DLGAP1: variants seen among roughly 807,000 people sequenced by gnomAD.
The protein encoded by DLGAP1 is disks large-associated protein 1.
Under a neutral mutation model 90.8 loss-of-function variants are expected in DLGAP1, and 11 were observed. The observed-to-expected ratio is 0.12, with a 90% CI of 0.08 to 0.20. The LOEUF (loss-of-function observed/expected upper bound fraction) is 0.20. DLGAP1 is among the 10% of genes least tolerant of loss of function. DLGAP1 has a pLI of 1.00. For synonymous variants in DLGAP1, 558 were observed against 540.7 expected (o/e 1.03, Z -0.44); for missense variants, 1,050 against 1,333.8 (o/e 0.79, Z 3.31).
At chr18:3,867,066 C>T (rs2070439225) in intron 4 of DLGAP1, among the ~76,000 whole-genome samples, 1 of 152,120 alleles carries the variant, frequency 6.6e-6, no homozygotes, top group African/African-American at 2.4e-5. Flanking sequence ...GTTGGCCATG[C>T]TGGTCTTGAA....
At chr18:3,535,665 A>G (rs544573234) in intron 9 of DLGAP1, among the ~76,000 whole-genome samples, 8 of 150,654 alleles carry the variant, frequency 5.3e-5, no homozygotes, top group South Asian at 2.1e-4. Flanking sequence ...CTGAGATCGC[A>G]CCACTGCACT....
intron 2 of DLGAP1, among the ~76,000 whole-genome samples, chr18:4,046,905 T>G (rs1598299845): frequency 6.6e-6 from 1 of 152,190 alleles, no homozygotes; most frequent in East Asian, 1.9e-4. Context: ...GGATAAAAGG[T>G]GCAAATCTGC....
intron 5 of DLGAP1, among the ~76,000 whole-genome samples, chr18:3,801,799 C>A (rs1345560302): frequency 6.6e-6 from 1 of 151,732 alleles, no homozygotes; most frequent in Non-Finnish European, 1.5e-5. Context: ...CAGCAAAAAC[C>A]ACCCAGAAAG....
chr18:3,612,247 C>T (rs1007166589), intron 7 of DLGAP1, among the ~76,000 whole-genome samples: 2 of 151,966 alleles, frequency 1.3e-5, no homozygotes, highest in Admixed American at 1.3e-4. Flanking sequence ...AGTGTGTTAC[C>T]TAGGGAAGGT....
intron 7 of DLGAP1, among the ~76,000 whole-genome samples, chr18:3,723,750 G>A (rs773245130): frequency 6.6e-6 from 1 of 152,180 alleles, no homozygotes; most frequent in Non-Finnish European, 1.5e-5. Context: ...ATTAAGCAAG[G>A]CTTGAGCAAG....
At chr18:4,293,802 C>T (rs1237767120) in intron 1 of DLGAP1, 1 of 152,196 alleles carries the variant, frequency 6.6e-6, no homozygotes, top group Non-Finnish European at 1.5e-5. Context: ...CCCCATACTC[C>T]TTCCTCACCT....
chr18:4,169,460 A>C (rs1598531060), intron 1 of DLGAP1, among the ~76,000 whole-genome samples: 1 of 148,370 alleles, frequency 6.7e-6, no homozygotes. Context: ...TAGTTATACT[A>C]TTCAAGGGAG....
chr18:3,879,055 C>A lies in DLGAP1; in HGVS notation c.957+57G>T, dbSNP rs1186964414. On this transcript the variant is annotated intron_variant, in intron 4 of 12. Transcript: ENST00000315677. The surrounding 1 kb of genome is among the most constrained non-coding windows in gnomAD (Gnocchi z 6.6). ...GCCAAGACTAGAACCAGGAGAAATG[C>A]CCACACAAGCATGCCAGGTACTACT... 5 of 1,367,452 alleles carry A rather than the reference C, an allele frequency of 3.7e-6. No individual in the cohort carries two copies. Among genetic ancestry groups the A allele is most frequent in the Non-Finnish European group, 4.8e-6 (5 of 1,031,354 alleles). The allele number at this position is 1,367,452 out of a possible 1,614,324, so 84.7% of individuals were successfully genotyped here.
chr18:3,853,456 G>T (rs988849688), intron 4 of DLGAP1, among the ~76,000 whole-genome samples: 5 of 151,826 alleles, frequency 3.3e-5, no homozygotes, highest in African/African-American at 7.3e-5. Flanking sequence ...ACTTATCATT[G>T]TGTTATAATT....
At chr18:3,592,843 C>CAAAAAAAAAAAAA (rs56871583) in intron 7 of DLGAP1, among the ~76,000 whole-genome samples, 1 of 42,592 alleles carries the variant, frequency 2.3e-5, no homozygotes, top group African/African-American at 6.6e-5. Context: ...GACCCTGCCT[C>CAAAAAAAAAAAAA]AAAAAAAAAA....
chr18:4,020,421 C>T (rs779131320), intron 2 of DLGAP1, among the ~76,000 whole-genome samples: 1 of 152,174 alleles, frequency 6.6e-6, no homozygotes, highest in East Asian at 1.9e-4. Context: ...CTTGAGTAAC[C>T]GTTATGTGCC....
chr18:3,502,237 G>A (rs2049977633), intron 12 of DLGAP1: 1 of 1,351,296 alleles, frequency 7.4e-7, no homozygotes, highest in South Asian at 2.1e-5. Flanking sequence ...TTAACTTAAA[G>A]TTTAATTAAC....
chr18:4,077,737 T>A (rs1327183303), intron 2 of DLGAP1, among the ~76,000 whole-genome samples: 1 of 152,114 alleles, frequency 6.6e-6, no homozygotes, highest in African/African-American at 2.4e-5. Flanking sequence ...AATAAACTGT[T>A]TTAAAAATAA....
At chr18:3,892,609 G>A (rs1019752596) in intron 3 of DLGAP1, among the ~76,000 whole-genome samples, 27 of 152,020 alleles carry the variant, frequency 1.8e-4, no homozygotes, top group African/African-American at 6.3e-4. Flanking sequence ...TCACATAAAC[G>A]TGAACAATCA....
intron 10 of DLGAP1, among the ~76,000 whole-genome samples, chr18:3,513,151 C>T (rs1391040045): frequency 6.6e-6 from 1 of 152,158 alleles, no homozygotes; most frequent in Non-Finnish European, 1.5e-5. Context: ...TGGCTTATTC[C>T]ACTTAGCATA....
chr18:3,800,898 G>T (rs561722060), intron 5 of DLGAP1, among the ~76,000 whole-genome samples: 1 of 152,268 alleles, frequency 6.6e-6, no homozygotes, highest in East Asian at 1.9e-4. Context: ...TCACTAGAAA[G>T]AAATACTTGA....
At chr18:3,860,707 C>A (rs1370996186) in intron 4 of DLGAP1, among the ~76,000 whole-genome samples, 1 of 152,114 alleles carries the variant, frequency 6.6e-6, no homozygotes, top group East Asian at 1.9e-4. Context: ...TGGTGTCATG[C>A]CCTTGAATTT....
chr18:4,228,804 C>A (rs922568896), intron 1 of DLGAP1, among the ~76,000 whole-genome samples: 1 of 151,836 alleles, frequency 6.6e-6, no homozygotes, highest in African/African-American at 2.4e-5. Context: ...ACACTTTCAG[C>A]ACTTTTATTC....
chr18:4,328,844 T>C (rs1396278218), intron 1 of DLGAP1, among the ~76,000 whole-genome samples: 1 of 151,990 alleles, frequency 6.6e-6, no homozygotes. Context: ...TTACCTTCTC[T>C]TGTGAAGTCT....
Sources: allele counts gnomAD v4.1 joint callset (sites outside exome capture counted in the v4.1 genomes callset), GRCh38; gene constraint gnomAD v4.1.1; non-coding constraint Gnocchi (gnomAD v3.1); transcripts MANE v1.5; gene names NCBI Gene and HGNC (gene_info 2026-07-23, HGNC 2026-07-21).